The following FCN1 variants were observed in gnomAD, a reference collection of about 807,000 sequenced individuals.
FCN1 encodes the protein ficolin 1.
Under a neutral mutation model 35.6 loss-of-function variants are expected in FCN1, and 42 were observed. The observed-to-expected ratio is 1.18, with a 90% confidence interval of 0.92 to 1.53. The LOEUF (loss-of-function observed/expected upper bound fraction) is 1.53, where lower values mean the gene tolerates loss of function less well. Ranked by LOEUF, FCN1 falls within the 40% of genes most tolerant of loss-of-function variation. The pLI, the probability that FCN1 is intolerant of heterozygous loss-of-function variation, is 0.00. For missense variants in FCN1, 439 were observed against 428.4 expected (o/e 1.02, Z -0.22); for synonymous variants, 179 against 169.8 (o/e 1.05, Z -0.42).
rs1440515711 is a variant in FCN1, at chr9:134,917,833, A to C, written c.39T>G (p.Ala13=). ...LSGATMARGL[A]VLLVLFLHIK... is the part of the protein sequence containing the mutation. ...TATGCAGGAACAAGACTAGCAGGAC[A>C]GCGAGCCCCCGGGCCATGGTGGCTC... Residue 13 remains alanine (A), a synonymous_variant, in exon 1 of 9, where the codon GCT becomes GCG. Transcript: ENST00000371806. The C allele has an allele frequency of 1.9e-6, 3 of 1,614,044 alleles. No homozygotes were observed. Among genetic ancestry groups the C allele is most frequent in the African/African-American group, 2.7e-5 (2 of 75,040 alleles).
intron 8 of FCN1, 125 bp downstream of exon 8, chr9:134,911,008 C>G (rs1831015970): frequency 2.0e-6 from 2 of 1,015,714 alleles, no homozygotes; most frequent in Non-Finnish European, 3.0e-6. Context: ...ATGCTAGTGT[C>G]TGCTTCATAG....
At chr9:134,913,268 AG>A in intron 5 of FCN1, 125 bp from the exon 6 acceptor site, 1 of 1,303,044 alleles carries the variant, frequency 7.7e-7, no homozygotes, top group East Asian at 2.5e-5. Flanking sequence ...CAGGACTCCG[AG>A]GCCTGGACAG....
rs1830919695 is a variant in FCN1, at chr9:134,904,647, G to A, written c.*5151C>T. Among the ~76,000 whole-genome samples the A allele has an allele frequency of 6.6e-6, 1 of 152,100 alleles. No homozygotes were observed. The highest frequency in any genetic ancestry group is 1.5e-5 in the Non-Finnish European group (1 of 68,036). Reference sequence around the variant, plus strand: ...ATACAAAAATTAGCCCAGCGTAGTGGTGCACACCTGTAGTCCCAGCTACAC... The same window carrying A: ...ATACAAAAATTAGCCCAGCGTAGTGATGCACACCTGTAGTCCCAGCTACAC... On this transcript the variant is annotated 3_prime_UTR_variant, in exon 9 of 9. Coordinates refer to ENST00000371806, the MANE Select transcript of FCN1 (RefSeq NM_002003.5).
In FCN1 at chr9:134,908,050, C is replaced by T. The variant is rs1395310470; in HGVS notation, c.*1748G>A. Reference sequence around the variant, plus strand: ...TTGGTTCCATCAATTCGCATTGTTACTAGCAGTGTATGCAAATCTCCCTCC... The same window carrying T: ...TTGGTTCCATCAATTCGCATTGTTATTAGCAGTGTATGCAAATCTCCCTCC... On this transcript the variant is annotated 3_prime_UTR_variant, in exon 9 of 9. Transcript: ENST00000371806. The T allele has an allele frequency of 1.3e-5, 2 of 152,258 alleles. No homozygotes were observed. Among genetic ancestry groups the T allele is most frequent in the African/African-American group, 4.8e-5 (2 of 41,450 alleles). The allele number at this position is 152,258 out of a possible 1,614,324, so 9.4% of individuals were successfully genotyped here.
rs1017820758 is a variant in FCN1 at position 134,904,484 on chromosome 9, A to T, written c.*5314T>A. Among the ~76,000 whole-genome samples the T allele has an allele frequency of 1.1e-4, 17 of 152,320 alleles. No homozygotes were observed. The highest frequency in any genetic ancestry group is 2.2e-4 in the Non-Finnish European group (15 of 68,012). On this transcript the variant is annotated 3_prime_UTR_variant, in exon 9 of 9. Coordinates refer to ENST00000371806, the MANE Select transcript of FCN1 (RefSeq NM_002003.5). ...AATTCATCCTCAGCAGACTTTCATC[A>T]AAAAATATATGAGGCTGGGCACGGT...
At chr9:134,914,484 C>CG (rs1317558310) in intron 3 of FCN1, 64 bp from the exon 4 acceptor site, 3 of 1,368,950 alleles carry the variant, frequency 2.2e-6, no homozygotes, top group African/African-American at 2.9e-5. Context: ...AAAGGCTGGT[C>CG]CAGAGTGGGC....
rs1295973337 is a variant in FCN1, at chr9:134,904,023, T to C, written c.*5775A>G. Among the ~76,000 whole-genome samples, 1 of 152,130 alleles carries C rather than the reference T, an allele frequency of 6.6e-6. No homozygotes were observed. Among genetic ancestry groups the C allele is most frequent in the East Asian group, 1.9e-4 (1 of 5,204 alleles). On this transcript the variant is annotated 3_prime_UTR_variant, in exon 9 of 9. Transcript: ENST00000371806. The stretch of plus-strand genomic sequence containing the variant: ...TCCAGAAACTAGAACAAGAGACATA[T>C]GAGACACGAGCAAACATTGGCCATT...
chr9:134,905,439 A>G lies in FCN1; in HGVS notation c.*4359T>C, dbSNP rs1405632433. Among the ~76,000 whole-genome samples the G allele has an allele frequency of 6.6e-6, 1 of 152,174 alleles. No individual in the cohort carries two copies. The highest frequency in any genetic ancestry group is 2.4e-5 in the African/African-American group (1 of 41,442). On this transcript the variant is annotated 3_prime_UTR_variant, in exon 9 of 9. Transcript: ENST00000371806. Reference sequence around the variant, plus strand: ...TCAGTTCTGCTGATGTGAGTTGGGGAGGAATTGGTGATGGGAAAAGACTCT... The same window carrying G: ...TCAGTTCTGCTGATGTGAGTTGGGGGGGAATTGGTGATGGGAAAAGACTCT...
chr9:134,914,532 C>T (rs1343065158), intron 3 of FCN1, 112 bp from the exon 4 acceptor site: 20 of 1,142,482 alleles, frequency 1.8e-5, no homozygotes, highest in Non-Finnish European at 2.4e-5. Context: ...GCCCTGCAGG[C>T]TCACTAAGGC....
At chr9:134,912,440 A>G (rs772823852) in intron 7 of FCN1, 46 bp downstream of exon 7, 3 of 1,585,278 alleles carry the variant, frequency 1.9e-6, no homozygotes, top group South Asian at 2.3e-5. Context: ...AAGGGGCAGG[A>G]GCACCTCAGG....
intron 4 of FCN1, 46 bp downstream of exon 4, chr9:134,914,338 TG>T: frequency 6.3e-7 from 1 of 1,587,982 alleles, no homozygotes; most frequent in Non-Finnish European, 8.6e-7. Flanking sequence ...ACCCCTCCCC[TG>T]GACAAAGCCT....
Position 134,904,784 on chromosome 9 carries a change from A to G in FCN1, c.*5014T>C, listed in dbSNP as rs1291323445. 6.6e-6 allele frequency among the ~76,000 whole-genome samples: 1 copy of G among 152,158 alleles called. No homozygotes were observed. Among genetic ancestry groups the G allele is most frequent in the Non-Finnish European group, 1.5e-5 (1 of 68,024 alleles). On this transcript the variant is annotated 3_prime_UTR_variant, in exon 9 of 9. Coordinates refer to ENST00000371806, the MANE Select transcript of FCN1 (RefSeq NM_002003.5). ...GACAGAGTGAGACCCTGTTTCAAAA[A>G]ATAAAAATAAAAAATATATATGAAA...
chr9:134,903,837 T>G lies in FCN1; in HGVS notation c.*5961A>C, dbSNP rs1381358328. ...AAAGTGGAGAAGTGGAGCCAAGCAT[T>G]GGAGTCTACACTGGCTATTCTATAA... is the stretch of plus-strand genomic sequence containing the variant. On this transcript the variant is annotated 3_prime_UTR_variant, in exon 9 of 9. Transcript: ENST00000371806. Among the ~76,000 whole-genome samples the G allele has an allele frequency of 6.6e-6, 1 of 152,120 alleles. No homozygotes were observed. Among genetic ancestry groups the G allele is most frequent in the Non-Finnish European group, 1.5e-5 (1 of 68,004 alleles).
At position 134,909,738 on chromosome 9, in the gene FCN1, G is replaced by A. The variant is rs761444480; in HGVS notation, c.*60C>T. 41 of 1,602,442 alleles carry A rather than the reference G, an allele frequency of 2.6e-5. No homozygotes were observed. The highest frequency in any genetic ancestry group is 3.3e-5 in the Non-Finnish European group (39 of 1,178,816). ...GGGGAAATGGGGTGACTTCCACGAC[G>A]CAGCGCTTGTGGGTGTGGCCTCCCC... is the stretch of plus-strand genomic sequence containing the variant. On this transcript the variant is annotated 3_prime_UTR_variant, in exon 9 of 9. Coordinates refer to ENST00000371806, the MANE Select transcript of FCN1 (RefSeq NM_002003.5).
chr9:134,913,228 G>C, intron 5 of FCN1, 85 bp from the exon 6 acceptor site: 1 of 1,554,278 alleles, frequency 6.4e-7, no homozygotes, highest in Non-Finnish European at 8.8e-7. Flanking sequence ...GGAGGGAGGA[G>C]GAGGGCCACA....
At chr9:134,911,947 G>A (rs796396574) in intron 7 of FCN1, among the ~76,000 whole-genome samples, 1 of 152,224 alleles carries the variant, frequency 6.6e-6, no homozygotes, top group Non-Finnish European at 1.5e-5. Context: ...AGGCACCTGA[G>A]TGGATTCCTT....
At chr9:134,911,312 G>C in intron 7 of FCN1, 45 bp from the exon 8 acceptor site, 3 of 1,578,226 alleles carry the variant, frequency 1.9e-6, no homozygotes, top group Non-Finnish European at 1.7e-6. Context: ...AGATCTTTCT[G>C]TCACCAGGCA....
At position 134,909,058 on chromosome 9, in the gene FCN1, G is replaced by C. The variant is rs142336046; in HGVS notation, c.*740C>G. The C allele has an allele frequency of 2.3e-6, 1 of 443,062 alleles. No individual in the cohort carries two copies. The highest frequency in any genetic ancestry group is 2.1e-5 in the African/African-American group (1 of 48,366). 27.4% of individuals were successfully genotyped at this position (443,062 alleles called of 1,614,324 possible). ...GAAGCCCCTTCTCCATCATCTCCTAGAAGCCTTGTGCAGCTTTTCCCACTG... is the reference window on the plus strand; with the variant it reads ...GAAGCCCCTTCTCCATCATCTCCTACAAGCCTTGTGCAGCTTTTCCCACTG... On this transcript the variant is annotated 3_prime_UTR_variant, in exon 9 of 9. Transcript: ENST00000371806.
chr9:134,910,001 C>G lies in FCN1; in HGVS notation c.778G>C (p.Asp260His). The G allele has an allele frequency of 1.2e-6, 2 of 1,614,124 alleles. No individual in the cohort carries two copies. The highest frequency in any genetic ancestry group is 1.7e-6 in the Non-Finnish European group (2 of 1,180,018). Residue 260 changes from aspartate (D) to histidine (H), a missense_variant, in exon 9 of 9, where the codon GAC becomes CAC. Transcript: ENST00000371806. ...GHNNNFFSTK[D>H]QDNDVSSSNC... is the part of the protein sequence containing the mutation. Reference sequence around the variant, plus strand: ...GAAGAACTCACATCATTGTCTTGGTCTTTGGTGGAGAAGAAGTTGTTGTTG... The same window carrying G: ...GAAGAACTCACATCATTGTCTTGGTGTTTGGTGGAGAAGAAGTTGTTGTTG...
Sources: gnomAD v4.1 joint callset for allele counts (sites outside exome capture counted in the v4.1 genomes callset) on GRCh38, gnomAD v4.1.1 for gene constraint, MANE v1.5 for transcripts, NCBI Gene and HGNC (gene_info 2026-07-23, HGNC 2026-07-21) for gene names.